Variants in WDR20 observed in about 807,000 individuals in gnomAD.
The protein encoded by WDR20 is WD repeat-containing protein 20.
In WDR20, 3 loss-of-function variants were observed where a neutral mutation model predicts 38.7. The ratio of observed to expected loss-of-function variants is 0.08; its 90% CI spans 0.04 to 0.20. The LOEUF (loss-of-function observed/expected upper bound fraction) is 0.20. Ranked by LOEUF, WDR20 falls within the 10% of genes least tolerant of loss-of-function variation. The pLI, the probability that WDR20 is intolerant of heterozygous loss-of-function variation, is 1.00. For missense variants in WDR20, 559 were observed against 727.7 expected, an observed-to-expected ratio of 0.77 and a Z score of 2.67; for synonymous variants, 298 against 285.6, an observed-to-expected ratio of 1.04 and a Z score of -0.44.
At chr14:102,223,551 A>G (rs554073350) in exon 4 of WDR20, 1 of 152,248 alleles carries the variant, frequency 6.6e-6, no homozygotes, top group Non-Finnish European at 1.5e-5. Flanking sequence ...TCAACTCTGT[A>G]TTATATGTAT....
intron 2 of WDR20, among the ~76,000 whole-genome samples, chr14:102,199,138 G>A (rs754799602): frequency 4.3e-4 from 66 of 152,068 alleles, no homozygotes; most frequent in Middle Eastern, 6.8e-3. Flanking sequence ...TAATTACCAC[G>A]ACATTTACAA....
chr14:102,224,700 A>AGAC, downstream of WDR20: 1 of 456,022 alleles, frequency 2.2e-6, no homozygotes, highest in Non-Finnish European at 4.4e-6. Flanking sequence ...TCTTCGGAGG[A>AGAC]GACATTAGTT....
intron 1 of WDR20, among the ~76,000 whole-genome samples, chr14:102,152,781 A>G (rs937190479): frequency 2.0e-5 from 3 of 152,222 alleles, no homozygotes; most frequent in Non-Finnish European, 4.4e-5. Context: ...CTTATTTTAC[A>G]GGTGAGAAAA....
intron 1 of WDR20, among the ~76,000 whole-genome samples, chr14:102,144,982 A>G (rs1315578558): frequency 6.6e-6 from 1 of 152,188 alleles, no homozygotes; most frequent in African/African-American, 2.4e-5. Flanking sequence ...TACAGGCTCT[A>G]TGTTCTTAGA....
intron 2 of WDR20, among the ~76,000 whole-genome samples, chr14:102,199,739 T>G (rs2152966328): frequency 6.6e-6 from 1 of 152,316 alleles, no homozygotes. Context: ...GAATTATAAA[T>G]TTCAGAAATC....
chr14:102,223,048 C>T (rs995298052), exon 4 of WDR20: 2 of 665,130 alleles, frequency 3.0e-6, no homozygotes, highest in Admixed American at 6.2e-5. Flanking sequence ...CGCCGTGCTC[C>T]CGCTGCTCAC....
rs1175733867 is a variant in WDR20, at chr14:102,221,655, G to C, written c.1693-1175G>C. ...TGTCTAGGTGAACAGATTTCAGGTG[G>C]AAGGTAAGAAACGGGATGAAATGAC... On this transcript the variant is annotated intron_variant, in intron 3 of 3. Coordinates refer to the WDR20 transcript ENST00000335263. The surrounding 1 kb of genome is among the most constrained non-coding windows in gnomAD (Gnocchi z 4.8). Among the ~76,000 whole-genome samples the C allele has an allele frequency of 1.3e-5, 2 of 152,220 alleles. No homozygotes were observed. The highest frequency in any genetic ancestry group is 4.8e-5 in the African/African-American group (2 of 41,448).
At chr14:102,148,039 T>G (rs2054308937) in intron 1 of WDR20, among the ~76,000 whole-genome samples, 1 of 152,146 alleles carries the variant, frequency 6.6e-6, no homozygotes, top group South Asian at 2.1e-4. Flanking sequence ...CCAAGAACCT[T>G]GTTTTAAAAA....
intron 1 of WDR20, among the ~76,000 whole-genome samples, chr14:102,163,213 C>G (rs563390955): frequency 3.9e-5 from 6 of 152,086 alleles, no homozygotes; most frequent in Non-Finnish European, 7.3e-5. Context: ...GGCCAATTTC[C>G]TGTCTCTGTG....
At position 102,181,141 on chromosome 14, in the gene WDR20, A is replaced by ATGTCTTTTG. The variant is rs1240496981; in HGVS notation, c.250-13797_250-13796insTGTCTTTTG. 2.4e-4 allele frequency among the ~76,000 whole-genome samples: 36 copies of ATGTCTTTTG among 152,284 alleles called. 1 individual carries two copies. Among genetic ancestry groups the ATGTCTTTTG allele is most frequent in the Admixed American group, 2.4e-3 (36 of 15,302 alleles). ...ATTCAGAACATAACTTATGAACTTT[A>ATGTCTTTTG]ACCAGATGAGTGTCATTTGGTTTAT... is the stretch of plus-strand genomic sequence containing the variant. On this transcript the variant is annotated intron_variant, in intron 1 of 2. Transcript: ENST00000342702.
rs764665709 is a variant in WDR20, at chr14:102,222,822, G to C, written c.1693-8G>C. On this transcript the variant is annotated splice_region_variant and splice_polypyrimidine_tract_variant and intron_variant, in intron 3 of 3. Transcript: ENST00000335263. The surrounding 1 kb of genome is among the most constrained non-coding windows in gnomAD (Gnocchi z 4.4). ...TTGCTGGATTAATGTAGACTGCTTT[G>C]TTTGCAGGGCTCATTGTCATCCCCA... 3 of 1,614,080 alleles carry C rather than the reference G, an allele frequency of 1.9e-6. No homozygotes were observed. The highest frequency in any genetic ancestry group is 2.5e-6 in the Non-Finnish European group (3 of 1,180,016).
chr14:102,193,184 GTGT>G (rs2058820853), intron 1 of WDR20, among the ~76,000 whole-genome samples: 1 of 150,510 alleles, frequency 6.6e-6, no homozygotes, highest in South Asian at 2.1e-4. Context: ...ATGGCATGTG[GTGT>G]TCTCTCAGGC....
chr14:102,145,345 C>T (rs1179941964), intron 1 of WDR20, among the ~76,000 whole-genome samples: 1 of 152,134 alleles, frequency 6.6e-6, no homozygotes, highest in Non-Finnish European at 1.5e-5. Context: ...ATTTAACCTT[C>T]TTAAAATAGG....
downstream of WDR20, among the ~76,000 whole-genome samples, chr14:102,216,223 T>C (rs139152004): frequency 1.2e-4 from 19 of 152,318 alleles, no homozygotes; most frequent in Non-Finnish European, 2.4e-4. Flanking sequence ...GGAGGGAACA[T>C]TCAGACCTAC....
At chr14:102,159,092 A>T (rs1742617) in intron 1 of WDR20, among the ~76,000 whole-genome samples, 98,762 of 151,846 alleles carry the variant, frequency 0.65, 35,968 homozygotes, top group East Asian at 0.92. Context: ...AAAAGGGTGC[A>T]CCACCACACC....
downstream of WDR20, chr14:102,212,881 G>A: frequency 8.6e-7 from 1 of 1,159,660 alleles, no homozygotes; most frequent in Non-Finnish European, 1.1e-6. Context: ...CTAATCTGTG[G>A]AATAAAACAC....
intron 1 of WDR20, among the ~76,000 whole-genome samples, chr14:102,148,708 T>TGTGTGTG (rs775248416): frequency 1.5e-5 from 2 of 129,142 alleles, no homozygotes; most frequent in African/African-American, 5.5e-5. Context: ...TGTGTGTGTG[T>TGTGTGTG]TTGGAACAGG....
chr14:102,198,583 C>T (rs1329274820), intron 2 of WDR20, among the ~76,000 whole-genome samples: 1 of 152,164 alleles, frequency 6.6e-6, no homozygotes, highest in Non-Finnish European at 1.5e-5. Flanking sequence ...CCCAAGGAAA[C>T]TGAAAGAAGG....
At chr14:102,224,618 TG>T (rs776971251), downstream of WDR20, 152 of 456,074 alleles carry the variant, frequency 3.3e-4, no homozygotes, top group Admixed American at 5.6e-4. Context: ...AGGGGAGGTA[TG>T]CTACATTTTC....
Sources: gnomAD v4.1 joint callset for allele counts (sites outside exome capture counted in the v4.1 genomes callset) on GRCh38, gnomAD v4.1.1 for gene constraint, Gnocchi (gnomAD v3.1) non-coding constraint, MANE v1.5 for transcripts, NCBI Gene and HGNC (gene_info 2026-07-23, HGNC 2026-07-21) for gene names.